The following TSPAN17 variants were observed in gnomAD, a reference collection of about 807,000 sequenced individuals.
TSPAN17 encodes tetraspanin-17.
A neutral mutation model predicts 40.5 loss-of-function variants in TSPAN17; 33 were observed. The ratio of observed to expected loss-of-function variants is 0.81; its 90% CI spans 0.62 to 1.09. The LOEUF (loss-of-function observed/expected upper bound fraction) is 1.09, where lower values mean the gene tolerates loss of function less well. Ranked by LOEUF, TSPAN17 falls within the 50% of genes least tolerant of loss-of-function variation. The pLI is 0.00. For missense variants in TSPAN17, 365 were observed against 416.8 expected, an observed-to-expected ratio of 0.88 and a Z score of 1.08; for synonymous variants, 166 against 169.4, an observed-to-expected ratio of 0.98 and a Z score of 0.15.
At chr5:176,648,817 T>C (rs1016222682) in intron 1 of TSPAN17, among the ~76,000 whole-genome samples, 2 of 152,092 alleles carry the variant, frequency 1.3e-5, no homozygotes, top group African/African-American at 4.8e-5. Context: ...GTTCAATTTG[T>C]TGTATTCTCA....
chr5:176,649,977 C>T (rs1262458264), intron 1 of TSPAN17, among the ~76,000 whole-genome samples: 6 of 152,220 alleles, frequency 3.9e-5, no homozygotes, highest in Non-Finnish European at 8.8e-5. Flanking sequence ...CAGCATCCCC[C>T]ATCTCGTCGC....
At chr5:176,649,985 C>T (rs1760902605) in intron 1 of TSPAN17, among the ~76,000 whole-genome samples, 1 of 152,194 alleles carries the variant, frequency 6.6e-6, no homozygotes. Flanking sequence ...CCCATCTCGT[C>T]GCCCCGCTCG....
intron 3 of TSPAN17, among the ~76,000 whole-genome samples, chr5:176,652,446 G>C (rs750127359): frequency 5.3e-5 from 8 of 152,212 alleles, no homozygotes; most frequent in Non-Finnish European, 1.2e-4. Context: ...ATCTGGGACT[G>C]GTGGGTTTGG....
chr5:176,651,616 G>A lies in TSPAN17; in HGVS notation c.88G>A (p.Val30Met), dbSNP rs1760966185. The change falls in exon 2 of 9, where the codon GTG becomes ATG. Residue 30 changes from valine to methionine, a missense_variant and splice_region_variant. Physicochemically the swap from Val to Met is conservative, Grantham distance 21 (BLOSUM62 1). Coordinates refer to ENST00000508164, the MANE Select transcript of TSPAN17 (RefSeq NM_130465.5). The surrounding 1 kb of genome is among the most constrained non-coding windows in gnomAD (Gnocchi z 4.5). ...FLFGFNIVFW[V>M]LGALFLAIGL... ...GAGCTCTTTGTTGCTGCCCTTGCAGGTGCTGGGAGCCCTGTTCCTGGCTAT... is the reference window on the plus strand; with the variant it reads ...GAGCTCTTTGTTGCTGCCCTTGCAGATGCTGGGAGCCCTGTTCCTGGCTAT... 1 of 1,613,016 alleles carries A rather than the reference G, an allele frequency of 6.2e-7. No homozygotes were observed. The highest frequency in any genetic ancestry group is 1.1e-5 in the South Asian group (1 of 90,982).
At chr5:176,653,077 C>A in intron 4 of TSPAN17, 164 bp downstream of exon 4, 1 of 701,866 alleles carries the variant, frequency 1.4e-6, no homozygotes, top group East Asian at 2.8e-5. Flanking sequence ...CCAGCCCCTG[C>A]TGATCCTTAT....
Position 176,651,485 on chromosome 5 carries a change from C to A in TSPAN17, c.88-131C>A. On this transcript the variant is annotated intron_variant, in intron 1 of 8. Coordinates refer to ENST00000508164, the MANE Select transcript of TSPAN17 (RefSeq NM_130465.5). The surrounding 1 kb of genome is among the most constrained non-coding windows in gnomAD (Gnocchi z 4.5). ...GTGTTCTTGGGAAGATGGAAAGGAC[C>A]CCGGATCCCGTTCACAGCCCTTGTG... 1 of 967,538 alleles carries A rather than the reference C, an allele frequency of 1.0e-6. No individual in the cohort carries two copies. Among genetic ancestry groups the A allele is most frequent in the Middle Eastern group, 3.3e-4 (1 of 2,994 alleles). The allele number at this position is 967,538 out of a possible 1,614,324, so 59.9% of individuals were successfully genotyped here.
chr5:176,654,928 T>G lies in TSPAN17; in HGVS notation c.490T>G (p.Trp164Gly). The change falls in exon 5 of 9, where the codon TGG (tryptophan) becomes GGG (glycine). Residue 164 changes from tryptophan (W) to glycine (G), a missense_variant. Physicochemically the swap from Trp to Gly is radical, Grantham distance 184 (BLOSUM62 -2). Coordinates refer to ENST00000508164, the MANE Select transcript of TSPAN17 (RefSeq NM_130465.5). This position sits in a 1 kb window ranked among gnomAD's most constrained non-coding sequence, Gnocchi z 4.3. ...SCCGARGPND[W>G]NLNIYFNCTD... ...CTGCGGAGCCCGAGGCCCCAATGAC[T>G]GGAACCTCAATATCTACTTCAACTG... is the stretch of plus-strand genomic sequence containing the variant. The G allele has an allele frequency of 6.2e-7, 1 of 1,613,898 alleles. No individual in the cohort carries two copies. The highest frequency in any genetic ancestry group is 8.5e-7 in the Non-Finnish European group (1 of 1,179,888).
chr5:176,649,761 C>T (rs1283181302), intron 1 of TSPAN17, among the ~76,000 whole-genome samples: 1 of 152,206 alleles, frequency 6.6e-6, no homozygotes, highest in African/African-American at 2.4e-5. Context: ...TCCTAGAGTA[C>T]TGTCGGCCTC....
Position 176,651,708 on chromosome 5 carries a change from G to T in TSPAN17, c.138+42G>T, listed in dbSNP as rs1179542382. 1.9e-6 allele frequency: 3 copies of T among 1,613,878 alleles called. No individual in the cohort carries two copies. Among genetic ancestry groups the T allele is most frequent in the Non-Finnish European group, 2.5e-6 (3 of 1,179,870 alleles). On this transcript the variant is annotated intron_variant, in intron 2 of 8. Coordinates refer to ENST00000508164, the MANE Select transcript of TSPAN17 (RefSeq NM_130465.5). This position sits in a 1 kb window ranked among gnomAD's most constrained non-coding sequence, Gnocchi z 4.5. ...GCGTGGAGCTGGTATGGGACGAGGT[G>T]GTGGGAAGGTCAGCTCCCCACACCT...
chr5:176,647,791 C>T (rs1760800026), intron 1 of TSPAN17, 89 bp downstream of exon 1: 1 of 1,298,126 alleles, frequency 7.7e-7, no homozygotes, highest in Non-Finnish European at 1.0e-6. Flanking sequence ...ACTCCCTGCC[C>T]CAAGAGTTTG....
intron 4 of TSPAN17, chr5:176,653,378 T>C (rs2113469897): frequency 6.4e-6 from 1 of 157,328 alleles, no homozygotes; most frequent in East Asian, 1.8e-4. Context: ...ATGTTTGGCC[T>C]CTGTGTATAT....
intron 1 of TSPAN17, among the ~76,000 whole-genome samples, chr5:176,648,692 A>C (rs1385925394): frequency 6.8e-6 from 1 of 147,096 alleles, no homozygotes; most frequent in Non-Finnish European, 1.5e-5. Flanking sequence ...TGGCTGTAGC[A>C]GGCCTGGCTG....
rs749499796 is a variant in TSPAN17 at position 176,656,797 on chromosome 5, T to C, written c.728T>C (p.Met243Thr). 6.2e-7 allele frequency: 1 copy of C among 1,614,214 alleles called. No homozygotes were observed. The highest frequency in any genetic ancestry group is 1.7e-5 in the Admixed American group (1 of 60,034). The change falls in exon 7 of 9, where the codon ATG (methionine) becomes ACG (threonine). Residue 243 changes from methionine (M) to threonine (T), a missense_variant. Met to Thr is a moderately conservative substitution (Grantham distance 81). Coordinates refer to ENST00000508164, the MANE Select transcript of TSPAN17 (RefSeq NM_130465.5). Reference sequence around the variant, plus strand: ...CTGATTGTGGTGGCGGGAGTCTTCATGGGCATCGCCCTCCTCCAGGTACCC... The same window carrying C: ...CTGATTGTGGTGGCGGGAGTCTTCACGGGCATCGCCCTCCTCCAGGTACCC... The part of the protein sequence containing the change: ...DNLIVVAGVF[M>T]GIALLQIFGI...
Position 176,651,503 on chromosome 5 carries a change from C to G in TSPAN17, c.88-113C>G, listed in dbSNP as rs1372847343. Reference sequence around the variant, plus strand: ...AAAGGACCCCGGATCCCGTTCACAGCCCTTGTGCCTCTTCCTCTCTCCGCT... The same window carrying G: ...AAAGGACCCCGGATCCCGTTCACAGGCCTTGTGCCTCTTCCTCTCTCCGCT... On this transcript the variant is annotated intron_variant, in intron 1 of 8. Transcript: ENST00000508164. The surrounding 1 kb of genome is among the most constrained non-coding windows in gnomAD (Gnocchi z 4.5). 5 of 1,159,342 alleles carry G rather than the reference C, an allele frequency of 4.3e-6. No homozygotes were observed. Among genetic ancestry groups the G allele is most frequent in the Non-Finnish European group, 6.0e-6 (5 of 834,750 alleles). The allele number at this position is 1,159,342 out of a possible 1,614,324, so 71.8% of individuals were successfully genotyped here. A position where few individuals can be genotyped will look rare whatever the true frequency, so the allele number is the denominator to read the frequency against.
At position 176,651,613 on chromosome 5, in the gene TSPAN17, C is replaced by G; in HGVS notation, c.88-3C>G. The G allele has an allele frequency of 6.2e-7, 1 of 1,612,504 alleles. No individual in the cohort carries two copies. Among genetic ancestry groups the G allele is most frequent in the Non-Finnish European group, 8.5e-7 (1 of 1,179,178 alleles). On this transcript the variant is annotated splice_region_variant and splice_polypyrimidine_tract_variant and intron_variant, in intron 1 of 8. Coordinates refer to ENST00000508164, the MANE Select transcript of TSPAN17 (RefSeq NM_130465.5). This position sits in a 1 kb window ranked among gnomAD's most constrained non-coding sequence, Gnocchi z 4.5. ...CCTGAGCTCTTTGTTGCTGCCCTTG[C>G]AGGTGCTGGGAGCCCTGTTCCTGGC...
intron 6 of TSPAN17, 122 bp downstream of exon 6, chr5:176,656,247 G>A: frequency 9.2e-7 from 1 of 1,087,454 alleles, no homozygotes; most frequent in African/African-American, 1.6e-5. Context: ...CTGAGTCCCA[G>A]GAACCAGCCA....
chr5:176,657,966 C>T lies in TSPAN17; in HGVS notation c.*268C>T, dbSNP rs1336761765. 3 of 449,416 alleles carry T rather than the reference C, an allele frequency of 6.7e-6. No individual in the cohort carries two copies. The highest frequency in any genetic ancestry group is 1.0e-4 in the East Asian group (2 of 19,296). 27.8% of individuals were successfully genotyped at this position (449,416 alleles called of 1,614,324 possible). ...ACCTGAAGGATGGAGAGGCTGGACCCCGCTTTGAAGAGGGTGCAGCCTGGG... is the reference window on the plus strand; with the variant it reads ...ACCTGAAGGATGGAGAGGCTGGACCTCGCTTTGAAGAGGGTGCAGCCTGGG... On this transcript the variant is annotated 3_prime_UTR_variant, in exon 9 of 9. Transcript: ENST00000508164.
rs548708242 is a variant in TSPAN17 at position 176,652,626 on chromosome 5, C to T, written c.286-117C>T. 30 of 921,244 alleles carry T rather than the reference C, an allele frequency of 3.3e-5. No individual in the cohort carries two copies. The African/African-American group carries it at 3.7e-4, about 11-fold the overall frequency. 57.1% of individuals were successfully genotyped at this position (921,244 alleles called of 1,614,324 possible). On this transcript the variant is annotated intron_variant, in intron 3 of 8. Coordinates refer to ENST00000508164, the MANE Select transcript of TSPAN17 (RefSeq NM_130465.5). Reference sequence around the variant, plus strand: ...AATAATAGAAGGTGGGGGCTCTGGGCGCCTCTGGGTCTTGGTGGAGGTAGG... The same window carrying T: ...AATAATAGAAGGTGGGGGCTCTGGGTGCCTCTGGGTCTTGGTGGAGGTAGG...
Position 176,657,957 on chromosome 5 carries a change from G to C in TSPAN17, c.*259G>C. The C allele has an allele frequency of 2.0e-6, 1 of 492,308 alleles. No individual in the cohort carries two copies. The highest frequency in any genetic ancestry group is 3.2e-6 in the Non-Finnish European group (1 of 308,682). 30.5% of individuals were successfully genotyped at this position (492,308 alleles called of 1,614,324 possible). On this transcript the variant is annotated 3_prime_UTR_variant, in exon 9 of 9. Coordinates refer to ENST00000508164, the MANE Select transcript of TSPAN17 (RefSeq NM_130465.5). ...AACACGGGGACCTGAAGGATGGAGAGGCTGGACCCCGCTTTGAAGAGGGTG... is the reference window on the plus strand; with the variant it reads ...AACACGGGGACCTGAAGGATGGAGACGCTGGACCCCGCTTTGAAGAGGGTG...
Sources: allele counts gnomAD v4.1 joint callset (sites outside exome capture counted in the v4.1 genomes callset), GRCh38; gene constraint gnomAD v4.1.1; non-coding constraint Gnocchi (gnomAD v3.1); transcripts MANE v1.5; gene names NCBI Gene and HGNC (gene_info 2026-07-23, HGNC 2026-07-21).